RAPH1: variants seen among roughly 807,000 people sequenced by gnomAD.
The protein encoded by RAPH1 is Ras association (RalGDS/AF-6) and pleckstrin homology domains 1.
In RAPH1, 18 loss-of-function variants were observed where a neutral mutation model predicts 88.1. That is an observed-to-expected ratio of 0.20 (90% confidence interval 0.14 to 0.30). The LOEUF (loss-of-function observed/expected upper bound fraction) is 0.30, where lower values mean the gene tolerates loss of function less well. Ranked by LOEUF, RAPH1 falls within the 10% of genes least tolerant of loss-of-function variation. The pLI is 1.00. For missense variants in RAPH1, 1,448 were observed against 1,543.2 expected, an observed-to-expected ratio of 0.94 and a Z score of 1.03; for synonymous variants, 587 against 559.0, an observed-to-expected ratio of 1.05 and a Z score of -0.71.
At position 203,434,052 on chromosome 2, in the gene RAPH1, CTATCTATA is replaced by C. The variant is rs969939147; in HGVS notation, c.*5377_*5384del. 4.7e-5 allele frequency: 6 copies of C among 127,458 alleles called. No individual in the cohort carries two copies. The highest frequency in any genetic ancestry group is 4.1e-4 in the East Asian group (2 of 4,848). The allele number at this position is 127,458 out of a possible 1,614,324, so 7.9% of individuals were successfully genotyped here. A position where few individuals can be genotyped will look rare whatever the true frequency, so the allele number is the denominator to read the frequency against. On this transcript the variant is annotated 3_prime_UTR_variant, in exon 14 of 14. Transcript: ENST00000319170. ...ATATCTCTCTCATATATCTATCTAT[CTATCTATA>C]TATATATATATATATATATAGCTTT...
chr2:203,531,576 G>A (rs1186957288), intron 1 of RAPH1, among the ~76,000 whole-genome samples: 2 of 152,136 alleles, frequency 1.3e-5, no homozygotes, highest in Non-Finnish European at 2.9e-5. Flanking sequence ...CAAGGACTTG[G>A]ATAGACATTT....
At chr2:203,483,086 T>TGGGAAAGCAGATC (rs1687802280) in intron 4 of RAPH1, among the ~76,000 whole-genome samples, 1 of 151,504 alleles carries the variant, frequency 6.6e-6, no homozygotes, top group East Asian at 1.9e-4. Context: ...GGAAGAAAAA[T>TGGGAAAGCAGATC]AGGTGGTAAT....
chr2:203,512,512 T>A (rs578214550), intron 1 of RAPH1, among the ~76,000 whole-genome samples: 3 of 152,180 alleles, frequency 2.0e-5, no homozygotes, highest in East Asian at 3.9e-4. Context: ...AAGATAGAAT[T>A]TAACAGTCAA....
intron 4 of RAPH1, among the ~76,000 whole-genome samples, chr2:203,473,125 C>T (rs886157171): frequency 3.3e-5 from 5 of 151,972 alleles, no homozygotes; most frequent in South Asian, 2.1e-4. Context: ...TGTGGAAACC[C>T]GAGGCAGCAA....
At chr2:203,521,342 C>T (rs1689858338) in intron 1 of RAPH1, among the ~76,000 whole-genome samples, 1 of 152,166 alleles carries the variant, frequency 6.6e-6, no homozygotes, top group Admixed American at 6.5e-5. Flanking sequence ...GCATGAGCCA[C>T]TGCACCCAGC....
chr2:203,499,662 A>C (rs995009803), intron 1 of RAPH1, among the ~76,000 whole-genome samples: 1 of 152,138 alleles, frequency 6.6e-6, no homozygotes, highest in Non-Finnish European at 1.5e-5. Context: ...GCAGTGAGCC[A>C]AGATCGTGCC....
At chr2:203,517,359 C>CAAAAAAAAAAAAAAAAAAAAAAAAAA (rs71408943) in intron 1 of RAPH1, among the ~76,000 whole-genome samples, 1 of 32,150 alleles carries the variant, frequency 3.1e-5, no homozygotes, top group Non-Finnish European at 6.0e-5. Flanking sequence ...CTATGAGAGG[C>CAAAAAAAAAAAAAAAAAAAAAAAAAA]AAAAAAAAAA....
intron 1 of RAPH1, among the ~76,000 whole-genome samples, chr2:203,513,495 C>T (rs1237408603): frequency 1.7e-4 from 20 of 116,272 alleles, no homozygotes; most frequent in Admixed American, 1.1e-3. Context: ...GCTGGGACTA[C>T]AATCCACCAC....
At chr2:203,479,994 A>T (rs1354957383) in intron 4 of RAPH1, among the ~76,000 whole-genome samples, 1 of 152,192 alleles carries the variant, frequency 6.6e-6, no homozygotes, top group Non-Finnish European at 1.5e-5. Context: ...ATGGGGAAAA[A>T]AAATGAATTT....
At chr2:203,445,041 TA>T in intron 12 of RAPH1, 31 bp from the exon 13 acceptor site, 1 of 1,599,018 alleles carries the variant, frequency 6.3e-7, no homozygotes, top group Non-Finnish European at 8.5e-7. Context: ...AACATAGGTT[TA>T]AAAGAGTCAG....
At chr2:203,457,633 G>T in intron 7 of RAPH1, 38 bp from the exon 8 acceptor site, 1 of 1,437,624 alleles carries the variant, frequency 7.0e-7, no homozygotes, top group Non-Finnish European at 9.8e-7. Context: ...GGGTGGGAGA[G>T]AAAAAAAGAA....
rs1052332474 is a variant in RAPH1, at chr2:203,434,213, T to C, written c.*5224A>G. On this transcript the variant is annotated 3_prime_UTR_variant, in exon 14 of 14. Transcript: ENST00000319170. ...GAGCTGTGCATAATCCTTTGAATAA[T>C]AATGTCCTCTACCTGGTACATTATA... 1 of 152,612 alleles carries C rather than the reference T, an allele frequency of 6.6e-6. No homozygotes were observed. The highest frequency in any genetic ancestry group is 1.5e-5 in the Non-Finnish European group (1 of 68,034). 9.5% of individuals were successfully genotyped at this position (152,612 alleles called of 1,614,324 possible). A position where few individuals can be genotyped will look rare whatever the true frequency, so the allele number is the denominator to read the frequency against.
Position 203,497,046 on chromosome 2 carries a change from A to C in RAPH1, c.1-1693T>G, listed in dbSNP as rs534588248. On this transcript the variant is annotated intron_variant, in intron 1 of 13. Transcript: ENST00000319170. ...AAAACTCAAGTGTTGCCAATGTGAT[A>C]GTATTAAGGGGTGGGGCCTTAAAGA... Among the ~76,000 whole-genome samples, 5 of 152,336 alleles carry C rather than the reference A, an allele frequency of 3.3e-5. No homozygotes were observed. In the South Asian group the frequency reaches 1.0e-3, roughly 32 times the overall value.
chr2:203,461,389 A>G lies in RAPH1; in HGVS notation c.830T>C (p.Met277Thr). ...CATTGTTTTAGAACTGTCATCAGAC[A>G]TGTGGACTCTGATCACCAGCTATAA... is the stretch of plus-strand genomic sequence containing the variant. ...QVKKLVIRVH[M>T]SDDSSKTMMV... Residue 277 changes from methionine (M) to threonine (T), a missense_variant, in exon 6 of 14, where the codon ATG becomes ACG. Met to Thr is a moderately conservative substitution (Grantham distance 81, BLOSUM62 -1). This residue lies in a region of RAPH1 where 513 missense variants were observed against 653.1 expected (regional missense o/e 0.79). Coordinates refer to ENST00000319170, the MANE Select transcript of RAPH1 (RefSeq NM_213589.3). The G allele has an allele frequency of 1.2e-6, 2 of 1,603,408 alleles. No individual in the cohort carries two copies. Among genetic ancestry groups the G allele is most frequent in the Non-Finnish European group, 8.5e-7 (1 of 1,174,914 alleles).
Position 203,448,963 on chromosome 2 carries a change from T to G in RAPH1, c.1414-127A>C. 2.2e-6 allele frequency: 1 copy of G among 465,106 alleles called. No homozygotes were observed. Among genetic ancestry groups the G allele is most frequent in the Non-Finnish European group, 3.7e-6 (1 of 269,156 alleles). The allele number at this position is 465,106 out of a possible 1,614,324, so 28.8% of individuals were successfully genotyped here. A position where few individuals can be genotyped will look rare whatever the true frequency, so the allele number is the denominator to read the frequency against. ...GAGTAATGGCCAATACATTTATGCTTCTTATATGGCCATAAGGCCAAATAA... is the reference window on the plus strand; with the variant it reads ...GAGTAATGGCCAATACATTTATGCTGCTTATATGGCCATAAGGCCAAATAA... On this transcript the variant is annotated intron_variant, in intron 10 of 13. Coordinates refer to ENST00000319170, the MANE Select transcript of RAPH1 (RefSeq NM_213589.3). This position sits in a 1 kb window ranked among gnomAD's most constrained non-coding sequence, Gnocchi z 4.1.
At chr2:203,522,616 A>C (rs561405043) in intron 1 of RAPH1, among the ~76,000 whole-genome samples, 1 of 152,218 alleles carries the variant, frequency 6.6e-6, no homozygotes, top group South Asian at 2.1e-4. Flanking sequence ...AGAACCTTGA[A>C]AAGGGTTGGG....
At chr2:203,492,924 A>G (rs555042711) in intron 2 of RAPH1, among the ~76,000 whole-genome samples, 3 of 152,342 alleles carry the variant, frequency 2.0e-5, no homozygotes, top group South Asian at 4.1e-4. Context: ...ACTATTTTAG[A>G]AGATTGACCA....
chr2:203,489,337 G>A (rs1463784107), intron 4 of RAPH1, among the ~76,000 whole-genome samples: 1 of 151,956 alleles, frequency 6.6e-6, no homozygotes, highest in Non-Finnish European at 1.5e-5. Context: ...AATAAAAAAT[G>A]CCATTCAAGA....
At chr2:203,526,555 T>C (rs1477216202) in intron 1 of RAPH1, among the ~76,000 whole-genome samples, 1 of 151,910 alleles carries the variant, frequency 6.6e-6, no homozygotes, top group East Asian at 2.0e-4. Flanking sequence ...TAAAACCCCA[T>C]CTCTACCAAA....
Sources: allele counts gnomAD v4.1 joint callset (sites outside exome capture counted in the v4.1 genomes callset), GRCh38; gene constraint gnomAD v4.1.1; regional missense constraint gnomAD v4.1.1; non-coding constraint Gnocchi (gnomAD v3.1); transcripts MANE v1.5; gene names NCBI Gene and HGNC (gene_info 2026-07-23, HGNC 2026-07-21).